AKAP3: variants seen among roughly 807,000 people sequenced by gnomAD.
AKAP3 encodes the protein A-kinase anchoring protein 3, also known as A-kinase anchor protein 3.
A neutral mutation model predicts 57.2 loss-of-function variants in AKAP3; 27 were observed. That is an observed-to-expected ratio of 0.47 (90% CI 0.35 to 0.65). The LOEUF is 0.65. Ranked by LOEUF, AKAP3 falls within the 30% of genes least tolerant of loss-of-function variation. The probability of loss-of-function intolerance (pLI) is 0.01; values close to 1 mark genes in which losing one functional copy is unlikely to be tolerated. For missense variants in AKAP3, 959 were observed against 1,040.0 expected (o/e 0.92, Z 1.07); for synonymous variants, 334 against 392.3 (o/e 0.85, Z 1.76).
intron 4 of AKAP3, chr12:4,631,415 CA>C: frequency 1.5e-6 from 1 of 689,050 alleles, no homozygotes; most frequent in African/African-American, 1.8e-5. Flanking sequence ...ATTTTTGCCA[CA>C]AAGTGGGGCT....
At position 4,616,948 on chromosome 12, in the gene AKAP3, G is replaced by GT. The variant is rs532881189; in HGVS notation, c.2407-1055dup. On this transcript the variant is annotated intron_variant, in intron 5 of 5. Coordinates refer to ENST00000228850, the MANE Select transcript of AKAP3 (RefSeq NM_001278309.2). ...GAGAGTATTCCTAATTTGCCAAAAA[G>GT]TTTTAAACCTATACATTCAAAAAGC... is the stretch of plus-strand genomic sequence containing the variant. 9.0e-3 allele frequency among the ~76,000 whole-genome samples: 1,367 copies of GT among 152,160 alleles called. 11 individuals carry two copies. Among genetic ancestry groups the GT allele is most frequent in the Non-Finnish European group, 0.015 (1,021 of 68,002 alleles).
At chr12:4,631,450 A>T in intron 4 of AKAP3, 2 of 666,248 alleles carry the variant, frequency 3.0e-6, no homozygotes, top group Non-Finnish European at 5.4e-6. Flanking sequence ...TGAAGCTATA[A>T]ACTGTCTCTA....
chr12:4,616,134 C>T (rs774095238), intron 5 of AKAP3, among the ~76,000 whole-genome samples: 1 of 152,234 alleles, frequency 6.6e-6, no homozygotes, highest in Non-Finnish European at 1.5e-5. Flanking sequence ...GTTCTAAGCT[C>T]ACCCTAATAT....
At chr12:4,635,952 GC>G in intron 4 of AKAP3, 1 of 1,005,736 alleles carries the variant, frequency 9.9e-7, no homozygotes. Context: ...TTCTTTTTGG[GC>G]CCATATTTCA....
intron 5 of AKAP3, among the ~76,000 whole-genome samples, chr12:4,620,220 G>A (rs190592134): frequency 6.6e-6 from 1 of 152,126 alleles, no homozygotes; most frequent in East Asian, 1.9e-4. Flanking sequence ...GGCCAGACGC[G>A]GTGGCTCACG....
In AKAP3 at chr12:4,626,888, G is replaced by A. The variant is rs1443447060; in HGVS notation, c.2014C>T (p.His672Tyr). The part of the protein sequence containing the change: ...DGHMSGQMVE[H>Y]LMNSVMKLCV... ...AGCTTCATCACTGAGTTCATCAGAT[G>A]TTCTACCATCTGCCCACTCATGTGG... Residue 672 changes from histidine (H) to tyrosine (Y), a missense_variant, in exon 5 of 6, where the codon CAT (histidine) becomes TAT (tyrosine). By Grantham distance (83) the His-to-Tyr change is moderately conservative. Transcript: ENST00000228850. 2 of 1,613,932 alleles carry A rather than the reference G, an allele frequency of 1.2e-6. No homozygotes were observed. Among genetic ancestry groups the A allele is most frequent in the Non-Finnish European group, 1.7e-6 (2 of 1,180,024 alleles).
chr12:4,638,185 C>A lies in AKAP3; in HGVS notation c.12G>T (p.Lys4Asn). Reference sequence around the variant, plus strand: ...CATTTTGGCTTTGTAACCAGTCAACCTTTTCTGACATCTGGAAGCAGGGGA... The same window carrying A: ...CATTTTGGCTTTGTAACCAGTCAACATTTTCTGACATCTGGAAGCAGGGGA... MSE[K>N]VDWLQSQNGV... The change falls in exon 4 of 6, where the codon AAG becomes AAT. Residue 4 changes from lysine (K) to asparagine (N), a missense_variant. Coordinates refer to ENST00000228850, the MANE Select transcript of AKAP3 (RefSeq NM_001278309.2). 1 of 1,610,062 alleles carries A rather than the reference C, an allele frequency of 6.2e-7. No individual in the cohort carries two copies. Among genetic ancestry groups the A allele is most frequent in the Non-Finnish European group, 8.5e-7 (1 of 1,178,188 alleles).
chr12:4,633,639 A>T (rs1237539101), intron 4 of AKAP3, among the ~76,000 whole-genome samples: 1 of 151,672 alleles, frequency 6.6e-6, no homozygotes, highest in Non-Finnish European at 1.5e-5. Context: ...ATGCCAAATT[A>T]TCTCAGTATT....
At chr12:4,642,950 C>T (rs1014444314) in intron 2 of AKAP3, among the ~76,000 whole-genome samples, 1 of 152,138 alleles carries the variant, frequency 6.6e-6, no homozygotes, top group African/African-American at 2.4e-5. Flanking sequence ...TTTACTATGG[C>T]GGTTACTATG....
intron 4 of AKAP3, among the ~76,000 whole-genome samples, chr12:4,637,279 C>T (rs1258945377): frequency 2.6e-5 from 4 of 152,154 alleles, no homozygotes; most frequent in Non-Finnish European, 4.4e-5. Context: ...TTGGCATTGT[C>T]GACAGAGGGT....
intron 5 of AKAP3, among the ~76,000 whole-genome samples, chr12:4,621,339 AGT>A: frequency 6.6e-6 from 1 of 152,216 alleles, no homozygotes; most frequent in East Asian, 1.9e-4. Flanking sequence ...GTTTTTATGA[AGT>A]CTACAGTAGT....
Position 4,627,530 on chromosome 12 carries a change from G to A in AKAP3, c.1372C>T (p.Leu458Phe), listed in dbSNP as rs746567431. ...TLGEHIIKEG[L>F]TLWHKTQQKE... The stretch of plus-strand genomic sequence containing the variant: ...TGCTGAGTTTTATGCCACAAGGTAA[G>A]CCCCTCTTTGATAATGTGCTCACCC... Residue 458 changes from leucine to phenylalanine, a missense_variant, in exon 5 of 6, where the codon CTT becomes TTT. Coordinates refer to ENST00000228850, the MANE Select transcript of AKAP3 (RefSeq NM_001278309.2). 1 of 1,614,114 alleles carries A rather than the reference G, an allele frequency of 6.2e-7. No homozygotes were observed. The highest frequency in any genetic ancestry group is 8.5e-7 in the Non-Finnish European group (1 of 1,179,980).
chr12:4,624,021 G>A (rs1336577932), intron 5 of AKAP3, among the ~76,000 whole-genome samples: 1 of 152,080 alleles, frequency 6.6e-6, no homozygotes, highest in East Asian at 1.9e-4. Flanking sequence ...AATATTCTCA[G>A]TGACCTTGAA....
chr12:4,629,402 C>T (rs900454603), intron 4 of AKAP3, among the ~76,000 whole-genome samples: 1 of 152,166 alleles, frequency 6.6e-6, no homozygotes, highest in Non-Finnish European at 1.5e-5. Flanking sequence ...ACCACATGTT[C>T]ATACTTATAA....
chr12:4,646,916 G>A (rs1262195331), intron 1 of AKAP3, among the ~76,000 whole-genome samples: 1 of 151,936 alleles, frequency 6.6e-6, no homozygotes, highest in African/African-American at 2.4e-5. Context: ...CCGAGTAACT[G>A]GGATTACAGG....
intron 5 of AKAP3, among the ~76,000 whole-genome samples, chr12:4,618,075 G>C (rs1456726382): frequency 6.6e-6 from 1 of 152,146 alleles, no homozygotes; most frequent in Non-Finnish European, 1.5e-5. Context: ...AGGCAGCAAA[G>C]GGAAAACAGG....
chr12:4,628,868 A>C, intron 4 of AKAP3, 63 bp from the exon 5 acceptor site: 1 of 1,501,768 alleles, frequency 6.7e-7, no homozygotes, highest in Non-Finnish European at 9.0e-7. Context: ...ATTCAAGACA[A>C]CCTCAAAGTT....
At position 4,628,046 on chromosome 12, in the gene AKAP3, T is replaced by C. The variant is rs890134517; in HGVS notation, c.856A>G (p.Met286Val). Residue 286 changes from methionine to valine, a missense_variant, in exon 5 of 6, where the codon ATG becomes GTG. Physicochemically the swap from Met to Val is conservative, Grantham distance 21. Coordinates refer to ENST00000228850, the MANE Select transcript of AKAP3 (RefSeq NM_001278309.2). The stretch of plus-strand genomic sequence containing the variant: ...GATACCACACTGTTAGCATAGGTCA[T>C]GATCCCTTCACTAACAGAAGCCGTA... Reference protein sequence around the residue: ...DFTASVSEGIMTYANSVVSDM... With the variant: ...DFTASVSEGIVTYANSVVSDM... 28 of 1,614,040 alleles carry C rather than the reference T, an allele frequency of 1.7e-5. 1 individual carries two copies. In the Admixed American group the frequency reaches 4.2e-4, roughly 24 times the overall value.
chr12:4,636,019 T>A (rs1316772857), intron 4 of AKAP3: 1 of 1,505,280 alleles, frequency 6.6e-7, no homozygotes, highest in Non-Finnish European at 9.2e-7. Context: ...CTCTTGAAAT[T>A]CATGAAATGG....
Sources: gnomAD v4.1 joint callset for allele counts (sites outside exome capture counted in the v4.1 genomes callset) on GRCh38, gnomAD v4.1.1 for gene constraint, MANE v1.5 for transcripts, NCBI Gene and HGNC (gene_info 2026-07-23, HGNC 2026-07-21) for gene names.